The following NOD1 variants were observed in gnomAD, a reference collection of about 807,000 sequenced individuals.
NOD1 encodes the protein nucleotide binding oligomerization domain containing 1, also known as nucleotide-binding oligomerization domain-containing protein 1.
In NOD1, 70 loss-of-function variants were observed where a neutral mutation model predicts 81.2. The ratio of observed to expected loss-of-function variants is 0.86; its 90% confidence interval spans 0.71 to 1.05. The LOEUF (loss-of-function observed/expected upper bound fraction) is 1.05. NOD1 is among the 50% of genes least tolerant of loss of function. The pLI is 0.00. For missense variants in NOD1, 1,233 were observed against 1,228.0 expected (o/e 1.00, Z -0.06); for synonymous variants, 508 against 526.9 (o/e 0.96, Z 0.49).
At chr7:30,425,897 C>T (rs966835011) in intron 13 of NOD1, among the ~76,000 whole-genome samples, 187 bp from the exon 14 acceptor site, 1 of 152,116 alleles carries the variant, frequency 6.6e-6, no homozygotes, top group African/African-American at 2.4e-5. Flanking sequence ...AGCTGCCATC[C>T]CTCTGTTCAC....
At position 30,478,096 on chromosome 7, in the gene NOD1, T is replaced by C. The variant is rs1416553035; in HGVS notation, c.-352+510A>G. Among the ~76,000 whole-genome samples, 1 of 152,160 alleles carries C rather than the reference T, an allele frequency of 6.6e-6. No individual in the cohort carries two copies. Among genetic ancestry groups the C allele is most frequent in the Non-Finnish European group, 1.5e-5 (1 of 68,030 alleles). On this transcript the variant is annotated intron_variant, in intron 1 of 13. Transcript: ENST00000222823. This position sits in a 1 kb window ranked among gnomAD's most constrained non-coding sequence, Gnocchi z 4.1. ...GGAGCATGAAACCCAAGGGAAGTTCTCACCCTCTCTCCAGGACCAAGCAGG... is the reference window on the plus strand; with the variant it reads ...GGAGCATGAAACCCAAGGGAAGTTCCCACCCTCTCTCCAGGACCAAGCAGG...
intron 9 of NOD1, among the ~76,000 whole-genome samples, chr7:30,439,612 C>T (rs1382983828): frequency 1.6e-4 from 13 of 82,244 alleles, no homozygotes; most frequent in Non-Finnish European, 2.4e-4. Context: ...CCTACGCCCA[C>T]GGAATCTCGC....
At chr7:30,468,884 C>T (rs531653071) in intron 1 of NOD1, 8 of 985,416 alleles carry the variant, frequency 8.1e-6, no homozygotes, top group Non-Finnish European at 9.6e-6. Context: ...ACATGAACTG[C>T]TTGGATGTTC....
intron 6 of NOD1, among the ~76,000 whole-genome samples, chr7:30,448,753 T>C (rs552991261): frequency 6.6e-6 from 1 of 152,326 alleles, no homozygotes; most frequent in South Asian, 2.1e-4. Context: ...TTTGGAAATG[T>C]CAGGGGCTGC....
chr7:30,446,610 T>C (rs950907273), intron 8 of NOD1: 42 of 389,358 alleles, frequency 1.1e-4, no homozygotes, highest in Non-Finnish European at 1.5e-4. Context: ...TGGCGCACTG[T>C]CACCCCCTGC....
intron 10 of NOD1, among the ~76,000 whole-genome samples, 196 bp downstream of exon 10, chr7:30,437,377 A>T (rs1442286192): frequency 6.6e-6 from 1 of 152,194 alleles, no homozygotes; most frequent in Non-Finnish European, 1.5e-5. Flanking sequence ...GTATCCCAGA[A>T]CTTAAAGTTA....
intron 12 of NOD1, among the ~76,000 whole-genome samples, chr7:30,431,138 G>T (rs1364091965): frequency 2.6e-5 from 4 of 152,218 alleles, no homozygotes; most frequent in Non-Finnish European, 5.9e-5. Context: ...AGTGCAGGTT[G>T]GGAATGCACA....
Position 30,429,441 on chromosome 7 carries a change from T to C in NOD1, c.2722A>G (p.Ile908Val), listed in dbSNP as rs1214144219. ...AGCTGGGCAGTCCCCTTAGCTGTGA[T>C]CTGATTCTGGATAAGCCTGAAAGAA... ...LKHLWLIQNQ[I>V]TAKGTAQLAD... Residue 908 changes from isoleucine to valine, a missense_variant, in exon 13 of 14, where the codon ATC (isoleucine) becomes GTC (valine). Ile to Val is a conservative substitution (Grantham distance 29, BLOSUM62 3). Transcript: ENST00000222823. 2.5e-6 allele frequency: 4 copies of C among 1,614,036 alleles called. No homozygotes were observed. The highest frequency in any genetic ancestry group is 3.4e-6 in the Non-Finnish European group (4 of 1,179,874).
At chr7:30,448,277 G>C (rs372998851) in intron 7 of NOD1, 21 bp downstream of exon 7, 1 of 1,584,832 alleles carries the variant, frequency 6.3e-7, no homozygotes, top group Non-Finnish European at 8.7e-7. Context: ...AGTTGGCCCA[G>C]TGTTCTGGAG....
At chr7:30,453,617 G>A (rs543071107) in intron 5 of NOD1, among the ~76,000 whole-genome samples, 4 of 152,184 alleles carry the variant, frequency 2.6e-5, no homozygotes, top group East Asian at 3.9e-4. Flanking sequence ...ACGGGGTCTC[G>A]CCATGTTGCC....
intron 1 of NOD1, chr7:30,468,953 A>C (rs1301293678): frequency 3.0e-6 from 3 of 985,350 alleles, no homozygotes. Flanking sequence ...ACCCAACAGC[A>C]AGCTGGGTGG....
At chr7:30,473,719 A>T (rs893614992) in intron 1 of NOD1, among the ~76,000 whole-genome samples, 1 of 152,216 alleles carries the variant, frequency 6.6e-6, no homozygotes, top group African/African-American at 2.4e-5. Context: ...TACACAGAGC[A>T]TAAGCACATC....
chr7:30,445,852 C>T (rs896608417), intron 9 of NOD1, among the ~76,000 whole-genome samples: 3 of 151,818 alleles, frequency 2.0e-5, no homozygotes, highest in African/African-American at 7.3e-5. Context: ...TCAGCCATCC[C>T]CAAAAGGCAA....
chr7:30,438,697 T>C (rs562002786), intron 9 of NOD1, among the ~76,000 whole-genome samples: 8 of 152,218 alleles, frequency 5.3e-5, no homozygotes, highest in Non-Finnish European at 7.3e-5. Context: ...TACTATACAA[T>C]TGAATGGCAT....
At chr7:30,468,859 A>G (rs1298747877) in intron 1 of NOD1, 2 of 985,282 alleles carry the variant, frequency 2.0e-6, no homozygotes, top group Admixed American at 6.1e-5. Context: ...GAAGATAATT[A>G]TACTCTAGTT....
Position 30,456,765 on chromosome 7 carries a change from C to A in NOD1, c.157G>T (p.Glu53Ter), listed in dbSNP as rs150782149. Residue 53 changes from glutamate to a stop codon, truncating the protein, a stop_gained, in exon 4 of 14, where the codon GAA becomes TAA. Transcript: ENST00000222823. LOFTEE classifies it high-confidence loss of function. ...CAGGCACACACAATCTCCGCATCTT[C>A]GGCCGAGAAGTAGTCATTCTTCAGC... ...NLLKNDYFSAEDAEIVCACPT... is the reference protein window; with the variant it reads ...NLLKNDYFSA The A allele has an allele frequency of 2.5e-6, 4 of 1,614,168 alleles. No individual in the cohort carries two copies. The South Asian group carries it at 3.3e-5, about 13-fold the overall frequency.
At chr7:30,426,301 A>G (rs1012308417) in intron 13 of NOD1, among the ~76,000 whole-genome samples, 9 of 151,988 alleles carry the variant, frequency 5.9e-5, no homozygotes, top group Admixed American at 5.9e-4. Context: ...CCCCTGGCTT[A>G]GTGAATGGAC....
intron 10 of NOD1, among the ~76,000 whole-genome samples, 189 bp downstream of exon 10, chr7:30,437,378 CTTAAAG>C (rs1204749894): frequency 6.6e-6 from 1 of 152,170 alleles, no homozygotes; most frequent in African/African-American, 2.4e-5. Flanking sequence ...TATCCCAGAA[CTTAAAG>C]TTAAAAAAAG....
chr7:30,428,521 G>A (rs969056351), intron 13 of NOD1: 1 of 152,194 alleles, frequency 6.6e-6, no homozygotes, highest in South Asian at 2.1e-4. Context: ...ATTGCATCCT[G>A]ATATTTTGTT....
Sources: gnomAD v4.1 joint callset for allele counts (sites outside exome capture counted in the v4.1 genomes callset) on GRCh38, gnomAD v4.1.1 for gene constraint, Gnocchi (gnomAD v3.1) non-coding constraint, MANE v1.5 for transcripts, NCBI Gene and HGNC (gene_info 2026-07-23, HGNC 2026-07-21) for gene names.